MTMR7: variants seen among roughly 807,000 people sequenced by gnomAD.
The protein encoded by MTMR7 is phosphatidylinositol-3-phosphate phosphatase MTMR7.
Under a neutral mutation model 81.2 loss-of-function variants are expected in MTMR7, and 76 were observed. The ratio of observed to expected loss-of-function variants is 0.94; its 90% CI spans 0.78 to 1.13. The LOEUF (loss-of-function observed/expected upper bound fraction) is 1.13. MTMR7 is among the 50% of genes most tolerant of loss of function. MTMR7 has a pLI of 0.00. For synonymous variants in MTMR7, 372 were observed against 289.8 expected (o/e 1.28, Z -2.88); for missense variants, 1,044 against 820.0 (o/e 1.27, Z -3.34).
chr8:17,304,359 G>C lies in MTMR7; in HGVS notation c.1493+20C>G. ...TCCAAGTTCATACCATGGCTACAAA[G>C]TTACCAAGGATTTACATACTTGTAC... On this transcript the variant is annotated intron_variant, in intron 12 of 13. Coordinates refer to ENST00000180173, the MANE Select transcript of MTMR7 (RefSeq NM_004686.5). The C allele has an allele frequency of 6.2e-7, 1 of 1,605,400 alleles. No homozygotes were observed. Among genetic ancestry groups the C allele is most frequent in the African/African-American group, 1.3e-5 (1 of 74,896 alleles).
intron 12 of MTMR7, among the ~76,000 whole-genome samples, chr8:17,302,705 C>T (rs1303139137): frequency 5.8e-5 from 2 of 34,682 alleles, no homozygotes; most frequent in Non-Finnish European, 9.9e-5. Context: ...TGGCAATAAC[C>T]CCCCCCCCCC....
chr8:17,301,194 G>A (rs1042795140), intron 13 of MTMR7, among the ~76,000 whole-genome samples: 2 of 152,224 alleles, frequency 1.3e-5, no homozygotes, highest in East Asian at 1.9e-4. Flanking sequence ...GATAAATACA[G>A]ACCCAGCCTT....
intron 1 of MTMR7, among the ~76,000 whole-genome samples, chr8:17,400,006 G>A (rs1821377430): frequency 6.6e-6 from 1 of 151,950 alleles, no homozygotes; most frequent in Non-Finnish European, 1.5e-5. Flanking sequence ...GATTTTTGAT[G>A]CTGTTTGTAT....
chr8:17,406,876 G>T (rs190610663), intron 1 of MTMR7, among the ~76,000 whole-genome samples: 3 of 152,220 alleles, frequency 2.0e-5, no homozygotes, highest in African/African-American at 4.8e-5. Flanking sequence ...GCCACATATT[G>T]TATGATTAAA....
chr8:17,365,536 A>C (rs971022245), intron 3 of MTMR7, among the ~76,000 whole-genome samples: 1 of 152,192 alleles, frequency 6.6e-6, no homozygotes, highest in Non-Finnish European at 1.5e-5. Flanking sequence ...AGTCTAAGCC[A>C]GCATATCCAA....
intron 3 of MTMR7, among the ~76,000 whole-genome samples, chr8:17,362,999 T>G (rs4921760): frequency 0.096 from 14,683 of 152,328 alleles, 994 homozygotes; most frequent in Non-Finnish European, 0.15. Context: ...TTATATTCTA[T>G]TTCAGTCTTT....
At chr8:17,319,134 C>G (rs542104701) in intron 7 of MTMR7, among the ~76,000 whole-genome samples, 1 of 152,178 alleles carries the variant, frequency 6.6e-6, no homozygotes, top group African/African-American at 2.4e-5. Context: ...GGCAATAGCA[C>G]GTAGCAATGT....
intron 7 of MTMR7, among the ~76,000 whole-genome samples, chr8:17,319,696 A>G (rs11203840): frequency 0.11 from 16,982 of 152,226 alleles, 1,595 homozygotes; most frequent in South Asian, 0.43. Context: ...GTGGAAACCA[A>G]TGCAAACAGA....
At chr8:17,394,421 G>A (rs981395035) in intron 1 of MTMR7, among the ~76,000 whole-genome samples, 1 of 152,084 alleles carries the variant, frequency 6.6e-6, no homozygotes, top group African/African-American at 2.4e-5. Context: ...AAAATCTTAA[G>A]TTACGCTTAA....
rs1289175252 is a variant in MTMR7 at position 17,341,245 on chromosome 8, G to A, written c.732+118C>T. ...TGCCCAGACACTGACTATGCCAAGA[G>A]GAACCGCCCCTTTGCAGATGAAGCA... On this transcript the variant is annotated intron_variant, in intron 6 of 13. Transcript: ENST00000180173. The A allele has an allele frequency of 3.6e-6, 5 of 1,374,808 alleles. No homozygotes were observed. In the East Asian group the frequency reaches 9.8e-5, roughly 27 times the overall value. 85.2% of individuals were successfully genotyped at this position (1,374,808 alleles called of 1,614,324 possible).
At chr8:17,384,363 A>C (rs905901584) in intron 1 of MTMR7, among the ~76,000 whole-genome samples, 1 of 152,144 alleles carries the variant, frequency 6.6e-6, no homozygotes, top group Non-Finnish European at 1.5e-5. Flanking sequence ...GTCAGACATG[A>C]TCGTGCCACT....
intron 7 of MTMR7, among the ~76,000 whole-genome samples, chr8:17,327,560 G>A (rs1274173316): frequency 6.6e-6 from 1 of 152,040 alleles, no homozygotes; most frequent in Non-Finnish European, 1.5e-5. Flanking sequence ...TGGGATTATA[G>A]GCATGAGCCT....
intron 5 of MTMR7, among the ~76,000 whole-genome samples, chr8:17,341,921 T>TA (rs1185306405): frequency 6.7e-6 from 1 of 148,182 alleles, no homozygotes; most frequent in Non-Finnish European, 1.5e-5. Context: ...TTTCCAACCT[T>TA]TTTTTTTTTT....
Position 17,408,253 on chromosome 8 carries a change from G to C in MTMR7, c.24+5016C>G, listed in dbSNP as rs920436887. Among the ~76,000 whole-genome samples the C allele has an allele frequency of 2.6e-5, 3 of 115,778 alleles. 1 individual carries two copies. Among genetic ancestry groups the C allele is most frequent in the Non-Finnish European group, 6.1e-5 (3 of 48,818 alleles). 76.0% of individuals were successfully genotyped at this position (115,778 alleles called of 152,430 possible). ...AAAATACAAAAATTAGCCGGGCGTA[G>C]TGGCGGGCGCCTGTAGTCCCACCTA... On this transcript the variant is annotated intron_variant, in intron 1 of 13. Transcript: ENST00000180173.
rs991085396 is a variant in MTMR7, at chr8:17,373,296, A to T, written c.25-56T>A. ...CCGTAAAGCAGAAGAGCAATTCACGAAATAAATGATAACAGGGTAAACTCA... is the reference window on the plus strand; with the variant it reads ...CCGTAAAGCAGAAGAGCAATTCACGTAATAAATGATAACAGGGTAAACTCA... On this transcript the variant is annotated intron_variant, in intron 1 of 13. Coordinates refer to ENST00000180173, the MANE Select transcript of MTMR7 (RefSeq NM_004686.5). The T allele has an allele frequency of 1.1e-5, 17 of 1,558,856 alleles. No homozygotes were observed. In the African/African-American group the frequency reaches 2.2e-4, roughly 20 times the overall value.
rs576287970 is a variant in MTMR7, at chr8:17,360,924, T to A, written c.468+193A>T. 3.9e-5 allele frequency among the ~76,000 whole-genome samples: 6 copies of A among 152,286 alleles called. No homozygotes were observed. The South Asian group carries it at 1.2e-3, about 32-fold the overall frequency. ...AAGGGTCTGGAAGGGGTGATCTGTA[T>A]AGCAGGTTCAAACGTTTTGATTCTA... On this transcript the variant is annotated intron_variant, in intron 4 of 13. Transcript: ENST00000180173.
At chr8:17,387,225 T>C (rs1006765145) in intron 1 of MTMR7, among the ~76,000 whole-genome samples, 4 of 152,240 alleles carry the variant, frequency 2.6e-5, no homozygotes, top group South Asian at 2.1e-4. Flanking sequence ...GGTATTCTGA[T>C]GTACCAGCAT....
Position 17,307,078 on chromosome 8 carries a change from A to T in MTMR7, c.1152-1121T>A, listed in dbSNP as rs1487987704. On this transcript the variant is annotated intron_variant, in intron 10 of 13. Transcript: ENST00000180173. ...CTAAAGAGCTTCTGCACAGCAGAAG[A>T]AACTACCATCAGAGTGAACAGGCAA... is the stretch of plus-strand genomic sequence containing the variant. 3.3e-5 allele frequency among the ~76,000 whole-genome samples: 5 copies of T among 152,228 alleles called. No homozygotes were observed. The South Asian group carries it at 8.3e-4, about 25-fold the overall frequency.
At chr8:17,344,933 A>G (rs945686576) in intron 5 of MTMR7, among the ~76,000 whole-genome samples, 4 of 152,132 alleles carry the variant, frequency 2.6e-5, no homozygotes, top group African/African-American at 4.8e-5. Context: ...AATTTGGGAG[A>G]CCATGCTGTG....
Sources: gnomAD v4.1 joint callset for allele counts (sites outside exome capture counted in the v4.1 genomes callset) on GRCh38, gnomAD v4.1.1 for gene constraint, MANE v1.5 for transcripts, NCBI Gene and HGNC (gene_info 2026-07-23, HGNC 2026-07-21) for gene names.